The following SND1 variants were observed in gnomAD, a reference collection of about 807,000 sequenced individuals.
SND1 encodes the protein staphylococcal nuclease and tudor domain containing 1, also known as staphylococcal nuclease domain-containing protein 1.
Under a neutral mutation model 121.7 loss-of-function variants are expected in SND1, and 38 were observed. That is an observed-to-expected ratio of 0.31 (90% CI 0.24 to 0.41). The LOEUF is 0.41. Among genes scored for constraint, SND1 ranks in the 10% least tolerant of loss-of-function variants. The probability of loss-of-function intolerance (pLI) is 1.00; values close to 1 mark genes in which losing one functional copy is unlikely to be tolerated. For synonymous variants in SND1, 401 were observed against 447.4 expected (o/e 0.90, Z 1.31); for missense variants, 868 against 1,184.6 (o/e 0.73, Z 3.92).
At chr7:127,730,680 A>G (rs1167508260) in intron 10 of SND1, among the ~76,000 whole-genome samples, 1 of 151,910 alleles carries the variant, frequency 6.6e-6, no homozygotes, top group African/African-American at 2.4e-5. Flanking sequence ...TTCTCTACTC[A>G]GTTTGATTTT....
chr7:127,664,708 T>C (rs1407962191), intron 1 of SND1, among the ~76,000 whole-genome samples: 1 of 152,170 alleles, frequency 6.6e-6, no homozygotes, highest in Non-Finnish European at 1.5e-5. Flanking sequence ...AAGGGTGGCT[T>C]GAGCTTGGCA....
At chr7:127,692,627 A>G (rs560831093) in intron 2 of SND1, 3 of 152,340 alleles carry the variant, frequency 2.0e-5, no homozygotes, top group East Asian at 1.9e-4. Flanking sequence ...GCTTTCCTCT[A>G]TAGCTCTTTG....
intron 16 of SND1, among the ~76,000 whole-genome samples, chr7:128,025,631 C>T (rs1038039919): frequency 6.6e-6 from 1 of 152,184 alleles, no homozygotes; most frequent in Non-Finnish European, 1.5e-5. Flanking sequence ...CACGGGATGC[C>T]TCTCTGAAAA....
intron 15 of SND1, among the ~76,000 whole-genome samples, chr7:127,969,927 A>G (rs1303423968): frequency 3.3e-5 from 5 of 152,206 alleles, no homozygotes; most frequent in Non-Finnish European, 5.9e-5. Context: ...TTTATCTTCT[A>G]TAAATTAGAG....
intron 16 of SND1, 30 bp from the exon 17 acceptor site, chr7:128,074,472 C>T (rs961976081): frequency 6.3e-7 from 1 of 1,584,468 alleles, no homozygotes; most frequent in Non-Finnish European, 8.6e-7. Flanking sequence ...GCCTGGCCCC[C>T]ACAGGCTTAC....
chr7:128,047,779 T>G (rs1434898827), intron 16 of SND1, among the ~76,000 whole-genome samples: 1 of 152,236 alleles, frequency 6.6e-6, no homozygotes, highest in Non-Finnish European at 1.5e-5. Context: ...GATAGACTCC[T>G]TGTTTTACAG....
intron 16 of SND1, among the ~76,000 whole-genome samples, chr7:128,022,199 T>C (rs1206963835): frequency 6.1e-5 from 6 of 97,996 alleles, no homozygotes; most frequent in Non-Finnish European, 9.2e-5. Context: ...AGCAAGACTC[T>C]CTCTCAAAAA....
intron 11 of SND1, among the ~76,000 whole-genome samples, chr7:127,809,845 T>A (rs1391684008): frequency 6.6e-6 from 1 of 152,238 alleles, no homozygotes; most frequent in East Asian, 1.9e-4. Flanking sequence ...ATCCTAGTTT[T>A]TGGAAATGGA....
chr7:128,081,461 C>T lies in SND1; in HGVS notation c.2070C>T (p.Ile690=). The change falls in exon 18 of 24, where the codon ATC becomes ATT. Residue 690 remains isoleucine (I), a synonymous_variant. Transcript: ENST00000354725. ...ASYKPVFVTE[I]TDDLHFYVQD... ...ACAAGCCCGTGTTTGTGACTGAGATCACTGATGACCTGCACTTCTACGTGC... is the reference window on the plus strand; with the variant it reads ...ACAAGCCCGTGTTTGTGACTGAGATTACTGATGACCTGCACTTCTACGTGC... The T allele has an allele frequency of 6.2e-7, 1 of 1,614,164 alleles. No individual in the cohort carries two copies. The highest frequency in any genetic ancestry group is 8.5e-7 in the Non-Finnish European group (1 of 1,180,030).
At chr7:127,858,580 G>C (rs1381152709) in intron 12 of SND1, 1 of 364,980 alleles carries the variant, frequency 2.7e-6, no homozygotes, top group Non-Finnish European at 5.1e-6. Context: ...CTGACATTGG[G>C]TTTGGTCCAG....
rs1376821230 is a variant in SND1 at position 127,776,027 on chromosome 7, T to A, written c.1153-31457T>A. Reference sequence around the variant, plus strand: ...CACCAACGTCCATGTTAAAGCCAGTTTTCATTTTTAGAGATGATTAAACTT... The same window carrying A: ...CACCAACGTCCATGTTAAAGCCAGTATTCATTTTTAGAGATGATTAAACTT... On this transcript the variant is annotated intron_variant, in intron 10 of 23. Coordinates refer to ENST00000354725, the MANE Select transcript of SND1 (RefSeq NM_014390.4). Among the ~76,000 whole-genome samples the A allele has an allele frequency of 2.0e-5, 3 of 152,214 alleles. No individual in the cohort carries two copies. In the East Asian group the frequency reaches 5.8e-4, roughly 29 times the overall value.
At chr7:127,727,303 G>A (rs1796599139) in intron 10 of SND1, among the ~76,000 whole-genome samples, 1 of 152,148 alleles carries the variant, frequency 6.6e-6, no homozygotes, top group Non-Finnish European at 1.5e-5. Context: ...TGATGCCTTG[G>A]GATTCTTAAG....
intron 14 of SND1, among the ~76,000 whole-genome samples, chr7:127,923,402 C>T (rs1044404932): frequency 1.3e-5 from 2 of 152,106 alleles, no homozygotes; most frequent in Non-Finnish European, 2.9e-5. Flanking sequence ...CTGAAGTTTA[C>T]GCCCTCCCTG....
intron 15 of SND1, among the ~76,000 whole-genome samples, chr7:127,958,579 T>G (rs1801655554): frequency 6.6e-6 from 1 of 152,166 alleles, no homozygotes; most frequent in South Asian, 2.1e-4. Context: ...TCACAGGGAT[T>G]TGAGCTTCTG....
chr7:127,780,999 C>T (rs146104131), intron 10 of SND1, among the ~76,000 whole-genome samples: 1 of 152,252 alleles, frequency 6.6e-6, no homozygotes, highest in Non-Finnish European at 1.5e-5. Flanking sequence ...ATTGCCTAGT[C>T]AGTGAGAAAG....
chr7:127,950,015 G>C (rs1349054543), intron 15 of SND1, among the ~76,000 whole-genome samples: 1 of 152,198 alleles, frequency 6.6e-6, no homozygotes, highest in African/African-American at 2.4e-5. Context: ...CTTTAGAGTA[G>C]AAGCTGTAAA....
chr7:127,828,635 G>C (rs1030452494), intron 11 of SND1, among the ~76,000 whole-genome samples: 2 of 152,104 alleles, frequency 1.3e-5, no homozygotes, highest in Admixed American at 6.5e-5. Flanking sequence ...CTTTCTTGTA[G>C]AGTTGTCTAA....
At chr7:128,072,591 G>T (rs931604301) in intron 16 of SND1, among the ~76,000 whole-genome samples, 2 of 152,168 alleles carry the variant, frequency 1.3e-5, no homozygotes, top group Non-Finnish European at 2.9e-5. Context: ...ATAAAGCTTG[G>T]CAAGTTAAGA....
intron 4 of SND1, among the ~76,000 whole-genome samples, chr7:127,699,595 A>G (rs1040018491): frequency 3.9e-5 from 6 of 152,188 alleles, no homozygotes; most frequent in African/African-American, 1.4e-4. Flanking sequence ...TGTTTAGCCA[A>G]TGGCAATGTG....
Sources: gnomAD v4.1 joint callset for allele counts (sites outside exome capture counted in the v4.1 genomes callset) on GRCh38, gnomAD v4.1.1 for gene constraint, MANE v1.5 for transcripts, NCBI Gene and HGNC (gene_info 2026-07-23, HGNC 2026-07-21) for gene names.